Variants in GNG12 observed in about 807,000 individuals in gnomAD.
GNG12 encodes G protein subunit gamma 12.
For synonymous variants in GNG12, 28 were observed against 29.7 expected (o/e 0.94, Z 0.19); for missense variants, 69 against 83.8 (o/e 0.82, Z 0.69).
chr1:67,789,909 C>T (rs1241345066), intron 1 of GNG12, among the ~76,000 whole-genome samples: 4 of 152,182 alleles, frequency 2.6e-5, no homozygotes, highest in African/African-American at 9.7e-5. Flanking sequence ...TAAAGTATCC[C>T]ATGCTAGTTT....
chr1:67,793,614 C>T (rs946029543), intron 1 of GNG12, among the ~76,000 whole-genome samples: 12 of 152,024 alleles, frequency 7.9e-5, no homozygotes, highest in African/African-American at 2.9e-4. Context: ...AATTCCACTG[C>T]AGTCTGCATC....
intron 1 of GNG12, among the ~76,000 whole-genome samples, chr1:67,824,845 T>C (rs971442078): frequency 6.6e-6 from 1 of 152,164 alleles, no homozygotes; most frequent in Non-Finnish European, 1.5e-5. Context: ...ACAGTGAGTG[T>C]GGAGAGGGTA....
intron 2 of GNG12, among the ~76,000 whole-genome samples, chr1:67,748,981 T>TA (rs55634934): frequency 0.046 from 6,774 of 146,274 alleles, 168 homozygotes; most frequent in Middle Eastern, 0.068. Context: ...AAACTCTCCT[T>TA]AAAAAAAAAA....
intron 1 of GNG12, among the ~76,000 whole-genome samples, chr1:67,815,099 G>T (rs1437156607): frequency 1.3e-5 from 2 of 152,104 alleles, no homozygotes; most frequent in Non-Finnish European, 2.9e-5. Flanking sequence ...AGTTCTCAAG[G>T]GGGAATGGAG....
intron 1 of GNG12, among the ~76,000 whole-genome samples, chr1:67,787,643 T>C (rs1646778513): frequency 6.6e-6 from 1 of 152,118 alleles, no homozygotes; most frequent in South Asian, 2.1e-4. Context: ...AATTGTACCA[T>C]GGCTACAACC....
chr1:67,825,948 A>G (rs1447187745), intron 1 of GNG12, among the ~76,000 whole-genome samples: 1 of 152,248 alleles, frequency 6.6e-6, no homozygotes, highest in Non-Finnish European at 1.5e-5. Flanking sequence ...AAGAGAAAGA[A>G]ACTCATCATA....
intron 1 of GNG12, among the ~76,000 whole-genome samples, chr1:67,812,801 C>A (rs1646933220): frequency 2.6e-5 from 4 of 152,174 alleles, no homozygotes; most frequent in Non-Finnish European, 5.9e-5. Context: ...ATTTCATATG[C>A]TCAAGAGGCA....
rs565320217 is a variant in GNG12 at position 67,713,662 on chromosome 1, G to GA, written c.-26-5951dup. Among the ~76,000 whole-genome samples, 235 of 145,128 alleles carry GA rather than the reference G, an allele frequency of 1.6e-3. 1 individual carries two copies. In the East Asian group the frequency reaches 0.017, roughly 10 times the overall value. On this transcript the variant is annotated intron_variant, in intron 2 of 3. Transcript: ENST00000370982. The stretch of plus-strand genomic sequence containing the variant: ...GCTGTAATAAAAGAGCAGGTTAAAA[G>GA]AAAAAAAAAAGCCACTGGCTCCCAC...
At chr1:67,825,000 A>G (rs1362037612) in intron 1 of GNG12, among the ~76,000 whole-genome samples, 1 of 152,232 alleles carries the variant, frequency 6.6e-6, no homozygotes, top group Non-Finnish European at 1.5e-5. Context: ...GCAGCCTGCC[A>G]GGAGCATTGA....
intron 1 of GNG12, among the ~76,000 whole-genome samples, chr1:67,825,502 A>G (rs1297248524): frequency 6.6e-6 from 1 of 152,220 alleles, no homozygotes; most frequent in Non-Finnish European, 1.5e-5. Flanking sequence ...TTCTGGCTAC[A>G]GGCTTTCTAA....
chr1:67,708,026 T>G (rs1018978591), intron 2 of GNG12, among the ~76,000 whole-genome samples: 1 of 152,252 alleles, frequency 6.6e-6, no homozygotes, highest in African/African-American at 2.4e-5. Context: ...ACGCAAACAC[T>G]TGTAGCACTT....
At chr1:67,742,788 T>G (rs770601493) in intron 2 of GNG12, among the ~76,000 whole-genome samples, 3 of 152,212 alleles carry the variant, frequency 2.0e-5, no homozygotes, top group Admixed American at 6.5e-5. Flanking sequence ...TAATGATTTC[T>G]GGTGGTATAT....
At chr1:67,803,876 C>CAAAAA (rs1178459726) in intron 1 of GNG12, among the ~76,000 whole-genome samples, 2 of 150,276 alleles carry the variant, frequency 1.3e-5, no homozygotes, top group Non-Finnish European at 2.9e-5. Context: ...AGTGTACCAA[C>CAAAAA]AAAACAAAAC....
chr1:67,804,917 T>G (rs1646886468), intron 1 of GNG12, among the ~76,000 whole-genome samples: 1 of 152,292 alleles, frequency 6.6e-6, no homozygotes, highest in South Asian at 2.1e-4. Flanking sequence ...AATCCCCTCA[T>G]GCTTCCAGCA....
In GNG12 at chr1:67,703,572, A is replaced by G. The variant is rs941520734; in HGVS notation, c.*1879T>C. The G allele has an allele frequency of 6.6e-6, 1 of 152,180 alleles. No homozygotes were observed. The highest frequency in any genetic ancestry group is 6.5e-5 in the Admixed American group (1 of 15,278). 9.4% of individuals were successfully genotyped at this position (152,180 alleles called of 1,614,324 possible). A position where few individuals can be genotyped will look rare whatever the true frequency, so the allele number is the denominator to read the frequency against. On this transcript the variant is annotated 3_prime_UTR_variant, in exon 4 of 4. Transcript: ENST00000370982. ...GTTGTCTTTTTAGTGTAAATTTCAAATCTCACCCTTTGAGAGGTAAAATCT... is the reference window on the plus strand; with the variant it reads ...GTTGTCTTTTTAGTGTAAATTTCAAGTCTCACCCTTTGAGAGGTAAAATCT...
chr1:67,766,141 CACACACA>C (rs1557610115), intron 2 of GNG12, among the ~76,000 whole-genome samples: 2,464 of 130,000 alleles, frequency 0.019, 67 homozygotes, highest in African/African-American at 0.066. Context: ...CACACACACA[CACACACA>C]CCCCTAAACA....
chr1:67,753,106 T>C (rs1201809981), intron 2 of GNG12, among the ~76,000 whole-genome samples: 1 of 152,222 alleles, frequency 6.6e-6, no homozygotes, highest in East Asian at 1.9e-4. Context: ...TTACTTAACC[T>C]TTCAATGCCC....
intron 2 of GNG12, among the ~76,000 whole-genome samples, chr1:67,709,936 TTA>T (rs1304884686): frequency 0.026 from 435 of 16,926 alleles, 34 homozygotes; most frequent in African/African-American, 0.056. Flanking sequence ...ATATATATAG[TTA>T]TATATATATA....
intron 2 of GNG12, among the ~76,000 whole-genome samples, chr1:67,719,135 C>A (rs183935880): frequency 2.0e-5 from 3 of 152,242 alleles, no homozygotes; most frequent in East Asian, 3.9e-4. Flanking sequence ...GTCATAGTAT[C>A]AGGGGAGTGT....
Sources: allele counts gnomAD v4.1 joint callset (sites outside exome capture counted in the v4.1 genomes callset), GRCh38; gene constraint gnomAD v4.1.1; transcripts MANE v1.5; gene names NCBI Gene and HGNC (gene_info 2026-07-23, HGNC 2026-07-21).